CCDC18: variants seen among roughly 807,000 people sequenced by gnomAD.
The protein encoded by CCDC18 is coiled-coil domain-containing protein 18.
CCDC18 carries 157 observed loss-of-function variants against 196.0 expected under a neutral mutation model. The observed-to-expected ratio is 0.80, with a 90% CI of 0.70 to 0.91. The LOEUF (loss-of-function observed/expected upper bound fraction) is 0.91. Among genes scored for constraint, CCDC18 ranks in the 40% least tolerant of loss-of-function variants. The pLI, the probability that CCDC18 is intolerant of heterozygous loss-of-function variation, is 0.00. For synonymous variants in CCDC18, 482 were observed against 529.2 expected, an observed-to-expected ratio of 0.91 and a Z score of 1.22; for missense variants, 1,465 against 1,611.6, an observed-to-expected ratio of 0.91 and a Z score of 1.56.
chr1:93,204,928 A>G (rs569625692), intron 7 of CCDC18, among the ~76,000 whole-genome samples: 2 of 152,188 alleles, frequency 1.3e-5, no homozygotes, highest in African/African-American at 4.8e-5. Flanking sequence ...AGTAGGAGGA[A>G]TATGCTTGGG....
intron 23 of CCDC18, among the ~76,000 whole-genome samples, chr1:93,250,662 T>C (rs549775372): frequency 3.9e-5 from 6 of 152,326 alleles, no homozygotes; most frequent in Middle Eastern, 3.4e-3. Flanking sequence ...GGTGCATAGA[T>C]ATTTATAATT....
intron 6 of CCDC18, among the ~76,000 whole-genome samples, chr1:93,197,717 T>C (rs537084147): frequency 1.1e-4 from 16 of 150,874 alleles, no homozygotes; most frequent in Non-Finnish European, 2.2e-4. Flanking sequence ...GATGTGGAAT[T>C]GAAACTCTCC....
chr1:93,195,445 T>C (rs1652564913), intron 6 of CCDC18, among the ~76,000 whole-genome samples: 1 of 152,184 alleles, frequency 6.6e-6, no homozygotes, highest in Admixed American at 6.5e-5. Context: ...AGGTATGACA[T>C]GAAGACTCTT....
chr1:93,240,011 C>A, intron 21 of CCDC18, 115 bp downstream of exon 21: 1 of 735,282 alleles, frequency 1.4e-6, no homozygotes. Context: ...CTCACTTTGG[C>A]TCATCCCAGC....
intron 14 of CCDC18, among the ~76,000 whole-genome samples, chr1:93,221,028 C>G (rs1238814967): frequency 1.3e-5 from 2 of 152,176 alleles, no homozygotes; most frequent in Non-Finnish European, 2.9e-5. Flanking sequence ...TCCAGTCTAT[C>G]ACTGATGGGC....
chr1:93,211,016 C>A, intron 10 of CCDC18, 90 bp downstream of exon 10: 3 of 1,388,244 alleles, frequency 2.2e-6, no homozygotes, highest in Non-Finnish European at 3.0e-6. Flanking sequence ...GTGGCTCATG[C>A]CTGTAATCCC....
At chr1:93,257,231 CAAAAAAAAAA>C (rs71586787) in intron 25 of CCDC18, among the ~76,000 whole-genome samples, 12 of 46,530 alleles carry the variant, frequency 2.6e-4, no homozygotes, top group South Asian at 1.1e-3. Flanking sequence ...GACTCCATCT[CAAAAAAAAAA>C]AAAAAAAAAA....
chr1:93,184,826 G>C (rs1206116717), intron 3 of CCDC18, among the ~76,000 whole-genome samples: 1 of 151,858 alleles, frequency 6.6e-6, no homozygotes, highest in African/African-American at 2.4e-5. Context: ...TTTTTGTAAC[G>C]AATCTGCTTA....
At chr1:93,194,430 A>G (rs957860148) in intron 6 of CCDC18, among the ~76,000 whole-genome samples, 3 of 152,118 alleles carry the variant, frequency 2.0e-5, no homozygotes, top group Non-Finnish European at 4.4e-5. Context: ...CAATTTTGCA[A>G]TTTTGCAATT....
chr1:93,251,401 C>A (rs1208767962), intron 23 of CCDC18, among the ~76,000 whole-genome samples: 1 of 152,148 alleles, frequency 6.6e-6, no homozygotes, highest in Non-Finnish European at 1.5e-5. Flanking sequence ...GTTGGTGTAA[C>A]AGTCACATTA....
chr1:93,255,992 T>C lies in CCDC18; in HGVS notation c.3343-343T>C, dbSNP rs1662910970. On this transcript the variant is annotated intron_variant, in intron 24 of 28. Transcript: ENST00000690025. ...ACCAATATATTCTCTGTCTTTGACATAGATAATCAAATGTTAACTTCTCTT... is the reference window on the plus strand; with the variant it reads ...ACCAATATATTCTCTGTCTTTGACACAGATAATCAAATGTTAACTTCTCTT... Among the ~76,000 whole-genome samples, 5 of 152,222 alleles carry C rather than the reference T, an allele frequency of 3.3e-5. No homozygotes were observed. The South Asian group carries it at 1.0e-3, about 32-fold the overall frequency.
Position 93,262,883 on chromosome 1 carries a change from G to A in CCDC18, c.3685-1818G>A, listed in dbSNP as rs558746496. Among the ~76,000 whole-genome samples, 203 of 152,118 alleles carry A rather than the reference G, an allele frequency of 1.3e-3. 1 individual carries two copies. The Middle Eastern group carries it at 0.017, about 13-fold the overall frequency. ...AGCAGACTTCTGCTTGGACTTCCAG[G>A]CATTTCCACACATCCTCTGAAATCT... On this transcript the variant is annotated intron_variant, in intron 26 of 28. Transcript: ENST00000690025.
rs116663031 is a variant in CCDC18, at chr1:93,274,130, C to T, written c.4353+3316C>T. On this transcript the variant is annotated intron_variant, in intron 28 of 28. Transcript: ENST00000690025. ...GGATTAAGAGTAGGAGTTAGCCAGGCGCGGTGGCTCACGCCTGTAATCCCA... is the reference window on the plus strand; with the variant it reads ...GGATTAAGAGTAGGAGTTAGCCAGGTGCGGTGGCTCACGCCTGTAATCCCA... Among the ~76,000 whole-genome samples the T allele has an allele frequency of 2.7e-3, 418 of 152,220 alleles. 2 individuals are homozygous for T. The highest frequency in any genetic ancestry group is 0.017 in the Middle Eastern group (5 of 294).
At position 93,277,302 on chromosome 1, in the gene CCDC18, T is replaced by A. The variant is rs1437592350; in HGVS notation, c.4354-1161T>A. ...ACTGCAAGAGGCATTCCTTCCTCTT[T>A]TACTAATCCTCCTCAGCACAGACCC... is the stretch of plus-strand genomic sequence containing the variant. On this transcript the variant is annotated intron_variant, in intron 28 of 28. Coordinates refer to ENST00000690025, the MANE Select transcript of CCDC18 (RefSeq NM_001378204.1). Among the ~76,000 whole-genome samples, 6 of 38,826 alleles carry A rather than the reference T, an allele frequency of 1.5e-4. No individual in the cohort carries two copies. In the African/African-American group the frequency reaches 1.6e-3, roughly 11 times the overall value. The allele number at this position is 38,826 out of a possible 152,430, so 25.5% of individuals were successfully genotyped here.
At chr1:93,254,715 G>T in intron 24 of CCDC18, 101 bp downstream of exon 24, 1 of 1,104,524 alleles carries the variant, frequency 9.1e-7, no homozygotes, top group Non-Finnish European at 1.3e-6. Context: ...CAGAAACTGT[G>T]CCATAACTGT....
chr1:93,190,860 C>T, intron 4 of CCDC18: 1 of 727,452 alleles, frequency 1.4e-6, no homozygotes, highest in Non-Finnish European at 2.5e-6. Context: ...CAAGCCTTAG[C>T]ACAATCTTCT....
chr1:93,264,856 T>C lies in CCDC18; in HGVS notation c.3840T>C (p.Asp1280=), dbSNP rs747191589. 6.2e-6 allele frequency: 10 copies of C among 1,613,464 alleles called. No homozygotes were observed. The highest frequency in any genetic ancestry group is 1.1e-5 in the South Asian group (1 of 91,066). ...GCAATTTGCATCAACAAGTCCAAGA[T>C]AGGAATGAAGTAATTGAAGCTGCAA... ...TVSNLHQQVQ[D]RNEVIEAANE... The change falls in exon 27 of 29, where the codon GAT becomes GAC. Residue 1280 remains aspartate, a synonymous_variant. Coordinates refer to ENST00000690025, the MANE Select transcript of CCDC18 (RefSeq NM_001378204.1).
intron 28 of CCDC18, among the ~76,000 whole-genome samples, chr1:93,271,949 T>G (rs1665307475): frequency 6.6e-6 from 1 of 152,222 alleles, no homozygotes. Context: ...CTTTCTCACT[T>G]TTCTGCTCCT....
At chr1:93,258,433 C>T (rs1460633172) in intron 25 of CCDC18, among the ~76,000 whole-genome samples, 1 of 152,094 alleles carries the variant, frequency 6.6e-6, no homozygotes, top group African/African-American at 2.4e-5. Flanking sequence ...CAAAAATATA[C>T]AGGCATACCT....
Sources: gnomAD v4.1 joint callset for allele counts (sites outside exome capture counted in the v4.1 genomes callset) on GRCh38, gnomAD v4.1.1 for gene constraint, MANE v1.5 for transcripts, NCBI Gene and HGNC (gene_info 2026-07-23, HGNC 2026-07-21) for gene names.